Variants in PTGIR observed in about 807,000 individuals in gnomAD.
PTGIR encodes prostacyclin receptor.
A neutral mutation model predicts 17.6 loss-of-function variants in PTGIR; 16 were observed. The observed-to-expected ratio is 0.91, with a 90% CI of 0.61 to 1.38. The LOEUF (loss-of-function observed/expected upper bound fraction) is 1.38. Ranked by LOEUF, PTGIR falls within the 40% of genes most tolerant of loss-of-function variation. The pLI is 0.00. For missense variants in PTGIR, 532 were observed against 548.6 expected, an observed-to-expected ratio of 0.97 and a Z score of 0.30; for synonymous variants, 274 against 255.4, an observed-to-expected ratio of 1.07 and a Z score of -0.69.
rs1193772723 is a variant in PTGIR, at chr19:46,624,142, C to G, written c.84G>C (p.Val28=). Residue 28 remains valine, a synonymous_variant, in exon 2 of 3, where the codon GTG becomes GTC. Transcript: ENST00000291294. ...TGCCCAGGGCCAGCCCGTTGCCCAC[C>G]ACACCGGCCACGAACATCAGGGTGC... ...ATSTLMFVAG[V]VGNGLALGIL... is the part of the protein sequence containing the mutation. The G allele has an allele frequency of 6.5e-7, 1 of 1,529,888 alleles. No homozygotes were observed. The highest frequency in any genetic ancestry group is 8.7e-7 in the Non-Finnish European group (1 of 1,145,378). 94.8% of individuals were successfully genotyped at this position (1,529,888 alleles called of 1,614,324 possible).
chr19:46,616,054 G>C (rs145251857), downstream of PTGIR, among the ~76,000 whole-genome samples: 2 of 151,302 alleles, frequency 1.3e-5, no homozygotes, highest in Admixed American at 6.6e-5. Context: ...CACCTGCCTC[G>C]GCCTCCCAAA....
At position 46,621,605 on chromosome 19, in the gene PTGIR, C is replaced by T. The variant is rs199508021; in HGVS notation, c.836G>A (p.Arg279His). The change falls in exon 3 of 3, where the codon CGC becomes CAC. Residue 279 changes from arginine to histidine, a missense_variant. Transcript: ENST00000291294. The surrounding 1 kb of genome is among the most constrained non-coding windows in gnomAD (Gnocchi z 4.8). ...CAGGATGGGGTTGAAGGCGTAGAAG[C>T]GGAAGGCAAGGAGGTCCCCCATCTC... Reference protein sequence around the residue: ...SSEMGDLLAFRFYAFNPILDP... With the variant: ...SSEMGDLLAFHFYAFNPILDP... 2.9e-5 allele frequency: 47 copies of T among 1,613,640 alleles called. No homozygotes were observed. Among genetic ancestry groups the T allele is most frequent in the Admixed American group, 1.5e-4 (9 of 60,024 alleles).
chr19:46,622,460 GA>G (rs1214103786), intron 2 of PTGIR: 1 of 933,612 alleles, frequency 1.1e-6, no homozygotes, highest in East Asian at 1.2e-4. Flanking sequence ...TGATCATTTT[GA>G]AAATTATCTT....
chr19:46,612,694 C>G, the PTGIR span, among the ~76,000 whole-genome samples: 2 of 152,136 alleles, frequency 1.3e-5, no homozygotes, highest in Non-Finnish European at 2.9e-5. Flanking sequence ...AGTGGGGAGG[C>G]CAGGCTGAGG....
Position 46,620,859 on chromosome 19 carries a change from G to T in PTGIR, c.*421C>A, listed in dbSNP as rs1016807013. 3.0e-6 allele frequency: 3 copies of T among 990,670 alleles called. No individual in the cohort carries two copies. In the African/African-American group the frequency reaches 5.2e-5, roughly 17 times the overall value. 61.4% of individuals were successfully genotyped at this position (990,670 alleles called of 1,614,324 possible). On this transcript the variant is annotated 3_prime_UTR_variant, in exon 3 of 3. Coordinates refer to ENST00000291294, the MANE Select transcript of PTGIR (RefSeq NM_000960.4). ...CTGGCTCTTGGAGTGGCTTGGTAGAGGGGGAGGGCCATCCCCTGGGGACTT... is the reference window on the plus strand; with the variant it reads ...CTGGCTCTTGGAGTGGCTTGGTAGATGGGGAGGGCCATCCCCTGGGGACTT...
Position 46,621,377 on chromosome 19 carries a change from C to T in PTGIR, c.1064G>A (p.Gly355Glu), listed in dbSNP as rs371731082. ...SCVPLSAWGE[G>E]QVEPLPPTQQ... ...TGTGGGAGGCAAGGGCTCCACCTGC[C>T]CCTCGCCCCAAGCCGACAAAGGCAC... The change falls in exon 3 of 3, where the codon GGG becomes GAG. Residue 355 changes from glycine to glutamate, a missense_variant. Transcript: ENST00000291294. This position sits in a 1 kb window ranked among gnomAD's most constrained non-coding sequence, Gnocchi z 4.8. 19 of 1,579,592 alleles carry T rather than the reference C, an allele frequency of 1.2e-5. No individual in the cohort carries two copies. The highest frequency in any genetic ancestry group is 1.1e-4 in the African/African-American group (8 of 74,274).
At chr19:46,614,932 G>T in the PTGIR span, among the ~76,000 whole-genome samples, 1 of 152,216 alleles carries the variant, frequency 6.6e-6, no homozygotes, top group East Asian at 1.9e-4. Flanking sequence ...TGAGGCAGGA[G>T]AATTGTTTGA....
At chr19:46,618,203 AT>A (rs1407329628), downstream of PTGIR, among the ~76,000 whole-genome samples, 6 of 151,876 alleles carry the variant, frequency 4.0e-5, no homozygotes, top group Non-Finnish European at 5.9e-5. Context: ...TTTAGTAGAG[AT>A]AGGGTTTCAC....
chr19:46,624,094 C>A lies in PTGIR; in HGVS notation c.132G>T (p.Ala44=). ...CCAGCACCGCGAAGGCCGAGGGGCGCGCCGGTCGCCGTGCGCTCAGGATGC... is the reference window on the plus strand; with the variant it reads ...CCAGCACCGCGAAGGCCGAGGGGCGAGCCGGTCGCCGTGCGCTCAGGATGC... ...ALGILSARRP[A]RPSAFAVLVT... Residue 44 remains alanine (A), a synonymous_variant, in exon 2 of 3, where the codon GCG becomes GCT. Transcript: ENST00000291294. The A allele has an allele frequency of 6.5e-7, 1 of 1,539,636 alleles. No individual in the cohort carries two copies. The highest frequency in any genetic ancestry group is 1.4e-5 in the African/African-American group (1 of 73,144).
intron 2 of PTGIR, chr19:46,622,331 C>T (rs772996506): frequency 2.3e-4 from 231 of 985,152 alleles, no homozygotes; most frequent in Non-Finnish European, 2.6e-4. Context: ...TGGAAGGACC[C>T]AGGACCAGGA....
Position 46,624,058 on chromosome 19 carries a change from C to T in PTGIR, c.168G>A (p.Leu56=), listed in dbSNP as rs780949243. Residue 56 remains leucine (L), a synonymous_variant, in exon 2 of 3, where the codon CTG becomes CTA. Coordinates refer to ENST00000291294, the MANE Select transcript of PTGIR (RefSeq NM_000960.4). ...PSAFAVLVTG[L]AATDLLGTSF... is the part of the protein sequence containing the mutation. ...TGGTGCCCAGCAGGTCGGTGGCCGC[C>T]AGTCCGGTCACCAGCACCGCGAAGG... is the stretch of plus-strand genomic sequence containing the variant. 2 of 1,538,240 alleles carry T rather than the reference C, an allele frequency of 1.3e-6. No individual in the cohort carries two copies. Among genetic ancestry groups the T allele is most frequent in the Non-Finnish European group, 1.7e-6 (2 of 1,144,864 alleles).
chr19:46,611,181 T>A, the PTGIR span, among the ~76,000 whole-genome samples: 2 of 145,202 alleles, frequency 1.4e-5, no homozygotes, highest in Non-Finnish European at 3.0e-5. Context: ...GGAAGGGCAT[T>A]CCAGTTCGGG....
At chr19:46,619,641 GAAAGAAAGAAAGA>G (rs1457035227), downstream of PTGIR, among the ~76,000 whole-genome samples, 5 of 138,826 alleles carry the variant, frequency 3.6e-5, no homozygotes, top group African/African-American at 1.1e-4. Context: ...AAGAAAGAAA[GAAAGAAAGAAAGA>G]AAAGAAAGAA....
chr19:46,611,056 C>T, the PTGIR span, among the ~76,000 whole-genome samples: 2 of 152,242 alleles, frequency 1.3e-5, no homozygotes, highest in African/African-American at 4.8e-5. Flanking sequence ...TCCTCTGAGG[C>T]AGGCCCATCA....
the PTGIR span, among the ~76,000 whole-genome samples, chr19:46,613,197 C>T: frequency 7.7e-3 from 1,158 of 151,304 alleles, 20 homozygotes; most frequent in African/African-American, 0.027. Context: ...GGTCATGCCA[C>T]CATGCCCGGC....
the PTGIR span, among the ~76,000 whole-genome samples, chr19:46,614,072 C>A: frequency 1.8e-4 from 28 of 152,350 alleles, no homozygotes; most frequent in East Asian, 5.4e-3. Flanking sequence ...CTGAGGGGAG[C>A]CGGCTCCAGC....
chr19:46,624,316 G>T (rs1659213576), intron 1 of PTGIR, 79 bp from the exon 2 acceptor site: 2 of 1,346,346 alleles, frequency 1.5e-6, no homozygotes, highest in African/African-American at 3.1e-5. Flanking sequence ...GTCCCTGCTG[G>T]CCAGTCCTTT....
At chr19:46,617,148 G>T (rs1395407454), downstream of PTGIR, among the ~76,000 whole-genome samples, 2 of 151,898 alleles carry the variant, frequency 1.3e-5, no homozygotes, top group East Asian at 4.0e-4. Flanking sequence ...ATCTGTTGCG[G>T]CCTCAGCCAA....
At chr19:46,620,466 G>A, downstream of PTGIR, 1 of 985,460 alleles carries the variant, frequency 1.0e-6, no homozygotes, top group Non-Finnish European at 1.2e-6. Context: ...CATAACATGA[G>A]GTCAGGCTCT....
Sources: gnomAD v4.1 joint callset for allele counts (sites outside exome capture counted in the v4.1 genomes callset) on GRCh38, gnomAD v4.1.1 for gene constraint, Gnocchi (gnomAD v3.1) non-coding constraint, MANE v1.5 for transcripts, NCBI Gene and HGNC (gene_info 2026-07-23, HGNC 2026-07-21) for gene names.